The following MBOAT2 variants were observed in gnomAD, a reference collection of about 807,000 sequenced individuals.
MBOAT2 encodes membrane bound glycerophospholipid O-acyltransferase 2, also known as membrane-bound glycerophospholipid O-acyltransferase 2.
A neutral mutation model predicts 63.4 loss-of-function variants in MBOAT2; 28 were observed. That is an observed-to-expected ratio of 0.44 (90% CI 0.33 to 0.61). MBOAT2 has a LOEUF of 0.61. Ranked by LOEUF, MBOAT2 falls within the 20% of genes least tolerant of loss-of-function variation. MBOAT2 has a pLI of 0.03. For missense variants in MBOAT2, 470 were observed against 605.8 expected (o/e 0.78, Z 2.35); for synonymous variants, 211 against 215.6 (o/e 0.98, Z 0.19).
At chr2:8,946,771 T>C (rs1558644931) in intron 2 of MBOAT2, among the ~76,000 whole-genome samples, 1 of 152,200 alleles carries the variant, frequency 6.6e-6, no homozygotes, top group Non-Finnish European at 1.5e-5. Context: ...TGATAAATGT[T>C]AGGTGTGTTC....
At chr2:8,873,946 T>C (rs1240912397) in intron 7 of MBOAT2, among the ~76,000 whole-genome samples, 2 of 152,234 alleles carry the variant, frequency 1.3e-5, no homozygotes, top group African/African-American at 4.8e-5. Flanking sequence ...GCTGTTTTTA[T>C]ATTTGTAGAA....
At chr2:8,917,485 AT>A (rs1320858554) in intron 3 of MBOAT2, among the ~76,000 whole-genome samples, 2 of 152,256 alleles carry the variant, frequency 1.3e-5, no homozygotes, top group Non-Finnish European at 2.9e-5. Context: ...CAGGAAAAAA[AT>A]GTTTGACATC....
chr2:8,934,769 C>T (rs1043351465), intron 3 of MBOAT2, among the ~76,000 whole-genome samples: 21 of 152,098 alleles, frequency 1.4e-4, no homozygotes, highest in Non-Finnish European at 2.6e-4. Flanking sequence ...CTTGTGGGAT[C>T]ATGGGATTGT....
intron 1 of MBOAT2, among the ~76,000 whole-genome samples, chr2:8,979,998 A>G (rs1671088811): frequency 1.3e-5 from 2 of 152,134 alleles, no homozygotes; most frequent in Admixed American, 1.3e-4. Flanking sequence ...CCCAAGGTGA[A>G]TGTTAAATAG....
intron 9 of MBOAT2, among the ~76,000 whole-genome samples, chr2:8,865,010 C>T (rs1181102449): frequency 1.3e-5 from 2 of 152,128 alleles, no homozygotes; most frequent in African/African-American, 4.8e-5. Flanking sequence ...TCAAACACAC[C>T]GTCCACTTTC....
chr2:8,966,359 A>C (rs1485678490), intron 1 of MBOAT2, among the ~76,000 whole-genome samples: 1 of 152,204 alleles, frequency 6.6e-6, no homozygotes, highest in Non-Finnish European at 1.5e-5. Context: ...AGACAGACAG[A>C]ACAACCTTCA....
intron 2 of MBOAT2, among the ~76,000 whole-genome samples, chr2:8,952,350 T>C (rs1169156365): frequency 3.3e-5 from 5 of 152,226 alleles, no homozygotes; most frequent in Non-Finnish European, 7.3e-5. Flanking sequence ...ATGTGGTTGA[T>C]CTTGAAGTAC....
At chr2:8,966,267 C>CTATGAGCACTTATATGTGGT (rs1669976758) in intron 1 of MBOAT2, among the ~76,000 whole-genome samples, 1 of 152,194 alleles carries the variant, frequency 6.6e-6, no homozygotes, top group East Asian at 1.9e-4. Context: ...CCCCATGTGG[C>CTATGAGCACTTATATGTGGT]TATGAGCACT....
chr2:8,954,397 G>C (rs1411318388), intron 2 of MBOAT2, among the ~76,000 whole-genome samples: 1 of 152,068 alleles, frequency 6.6e-6, no homozygotes, highest in Non-Finnish European at 1.5e-5. Flanking sequence ...TCAGCCCTGG[G>C]GGGCAGGGGC....
At chr2:8,943,972 T>A (rs1668235228) in intron 2 of MBOAT2, among the ~76,000 whole-genome samples, 1 of 152,154 alleles carries the variant, frequency 6.6e-6, no homozygotes, top group African/African-American at 2.4e-5. Context: ...CAAGTGATTC[T>A]CCTGCCTCAG....
At chr2:8,971,068 G>T (rs1016901224) in intron 1 of MBOAT2, among the ~76,000 whole-genome samples, 1 of 152,192 alleles carries the variant, frequency 6.6e-6, no homozygotes, top group East Asian at 1.9e-4. Context: ...AAGAAAAAAA[G>T]AGACTTTTAG....
intron 1 of MBOAT2, among the ~76,000 whole-genome samples, chr2:8,959,712 C>T (rs1669482023): frequency 6.6e-6 from 1 of 152,166 alleles, no homozygotes; most frequent in Non-Finnish European, 1.5e-5. Context: ...ATCTGCCTGC[C>T]TCTGCCTCCC....
rs1419883039 is a variant in MBOAT2, at chr2:8,857,082, T to C, written c.*1597A>G. ...TCTTTAAATGAAGTATTATATAGCA[T>C]AAGCCAGATGGTTGCCTTGTCTTTA... On this transcript the variant is annotated 3_prime_UTR_variant, in exon 13 of 13. Coordinates refer to ENST00000305997, the MANE Select transcript of MBOAT2 (RefSeq NM_138799.4). 1 of 152,646 alleles carries C rather than the reference T, an allele frequency of 6.6e-6. No individual in the cohort carries two copies. Among genetic ancestry groups the C allele is most frequent in the African/African-American group, 2.4e-5 (1 of 41,452 alleles). 9.5% of individuals were successfully genotyped at this position (152,646 alleles called of 1,614,324 possible). A position where few individuals can be genotyped will look rare whatever the true frequency, so the allele number is the denominator to read the frequency against.
chr2:8,916,714 A>T (rs1030766426), intron 3 of MBOAT2, among the ~76,000 whole-genome samples: 1 of 152,258 alleles, frequency 6.6e-6, no homozygotes, highest in African/African-American at 2.4e-5. Context: ...CAAGGTTCTC[A>T]GGCTTAGACG....
intron 4 of MBOAT2, among the ~76,000 whole-genome samples, chr2:8,906,635 C>G (rs1367881020): frequency 6.6e-6 from 1 of 152,136 alleles, no homozygotes; most frequent in Non-Finnish European, 1.5e-5. Flanking sequence ...CTAGATAACA[C>G]AGAAATGTGA....
chr2:8,972,741 T>TTATGCAG (rs1357230352), intron 1 of MBOAT2, among the ~76,000 whole-genome samples: 14 of 152,106 alleles, frequency 9.2e-5, no homozygotes, highest in African/African-American at 3.4e-4. Flanking sequence ...AAGAAGACAT[T>TTATGCAG]TATGCAGCCA....
intron 2 of MBOAT2, among the ~76,000 whole-genome samples, chr2:8,946,877 G>A (rs2103247863): frequency 6.6e-6 from 1 of 152,174 alleles, no homozygotes. Context: ...ATTGAAATTA[G>A]GCCAATTAAT....
intron 1 of MBOAT2, among the ~76,000 whole-genome samples, chr2:8,972,212 C>A (rs1360076695): frequency 6.6e-6 from 1 of 152,050 alleles, no homozygotes; most frequent in African/African-American, 2.4e-5. Context: ...GAAATAATAC[C>A]ACACATCTAC....
chr2:8,945,518 GTCTATTATCA>G (rs1326408991), intron 2 of MBOAT2, among the ~76,000 whole-genome samples: 1 of 152,138 alleles, frequency 6.6e-6, no homozygotes, highest in Non-Finnish European at 1.5e-5. Context: ...TATGTTAAAA[GTCTATTATCA>G]TTCAACCCTC....
Sources: gnomAD v4.1 joint callset for allele counts (sites outside exome capture counted in the v4.1 genomes callset) on GRCh38, gnomAD v4.1.1 for gene constraint, MANE v1.5 for transcripts, NCBI Gene and HGNC (gene_info 2026-07-23, HGNC 2026-07-21) for gene names.